RAPGEFL1: variants seen among roughly 807,000 people sequenced by gnomAD.
The protein encoded by RAPGEFL1 is rap guanine nucleotide exchange factor-like 1.
A neutral mutation model predicts 64.4 loss-of-function variants in RAPGEFL1; 31 were observed. The observed-to-expected ratio is 0.48, with a 90% confidence interval of 0.36 to 0.65. The LOEUF is 0.65. RAPGEFL1 is among the 30% of genes least tolerant of loss of function. The pLI is 0.00. For synonymous variants in RAPGEFL1, 331 were observed against 274.1 expected (o/e 1.21, Z -2.05); for missense variants, 682 against 677.4 (o/e 1.01, Z -0.08).
intron 4 of RAPGEFL1, among the ~76,000 whole-genome samples, chr17:40,186,600 A>AAAAAAAAAAG (rs1990084928): frequency 1.4e-5 from 2 of 141,272 alleles, no homozygotes; most frequent in African/African-American, 5.5e-5. Flanking sequence ...AAAAAAAAAA[A>AAAAAAAAAAG]AAAAAAAAAG....
At chr17:40,193,245 C>G in intron 13 of RAPGEFL1, 118 bp from the exon 14 acceptor site, 1 of 1,194,354 alleles carries the variant, frequency 8.4e-7, no homozygotes, top group Non-Finnish European at 1.2e-6. Context: ...CTTCAGAGAC[C>G]CTCCAGAATT....
intron 4 of RAPGEFL1, among the ~76,000 whole-genome samples, chr17:40,188,365 C>T (rs1990149947): frequency 6.6e-6 from 1 of 152,150 alleles, no homozygotes; most frequent in Non-Finnish European, 1.5e-5. Context: ...TTATCAACAC[C>T]TCCTGCCTGG....
At position 40,177,476 on chromosome 17, in the gene RAPGEFL1, C is replaced by T. The variant is rs983610919; in HGVS notation, c.-386C>T. On this transcript the variant is annotated 5_prime_UTR_variant, in exon 1 of 15. Transcript: ENST00000620260. ...CGCGGTCTCGGTTCTGCCACCTTCCCCCTCTTCACGGCCAGGAGCGCAGCC... is the reference window on the plus strand; with the variant it reads ...CGCGGTCTCGGTTCTGCCACCTTCCTCCTCTTCACGGCCAGGAGCGCAGCC... 4.6e-5 allele frequency: 29 copies of T among 633,290 alleles called. No homozygotes were observed. Among genetic ancestry groups the T allele is most frequent in the African/African-American group, 1.3e-4 (7 of 54,662 alleles). 39.2% of individuals were successfully genotyped at this position (633,290 alleles called of 1,614,324 possible).
At chr17:40,180,484 G>C (rs1284485326) in intron 1 of RAPGEFL1, among the ~76,000 whole-genome samples, 1 of 152,102 alleles carries the variant, frequency 6.6e-6, no homozygotes, top group Non-Finnish European at 1.5e-5. Context: ...TCCTCCCAGG[G>C]TGTGTGGGAG....
intron 4 of RAPGEFL1, chr17:40,188,639 G>A (rs746508491): frequency 1.8e-5 from 10 of 559,132 alleles, no homozygotes; most frequent in East Asian, 3.1e-5. Context: ...CTGGTGGGTG[G>A]GGTGGATCAG....
intron 4 of RAPGEFL1, among the ~76,000 whole-genome samples, chr17:40,187,533 C>T (rs1209205086): frequency 6.6e-6 from 1 of 152,128 alleles, no homozygotes; most frequent in South Asian, 2.1e-4. Context: ...CCCCTCCATC[C>T]ATGACACCTC....
intron 1 of RAPGEFL1, among the ~76,000 whole-genome samples, 186 bp downstream of exon 1, chr17:40,178,567 T>G (rs1989798298): frequency 6.6e-6 from 1 of 152,092 alleles, no homozygotes; most frequent in Non-Finnish European, 1.5e-5. Context: ...GTACTCACCT[T>G]CCTCCCTACA....
At chr17:40,184,191 A>G in intron 2 of RAPGEFL1, 23 bp from the exon 3 acceptor site, 1 of 1,554,722 alleles carries the variant, frequency 6.4e-7, no homozygotes, top group Non-Finnish European at 8.9e-7. Flanking sequence ...TTGCGTAGGG[A>G]TTTTTCTTAA....
intron 14 of RAPGEFL1, 111 bp from the exon 15 acceptor site, chr17:40,193,553 C>G: frequency 6.3e-7 from 1 of 1,585,156 alleles, no homozygotes; most frequent in Non-Finnish European, 8.7e-7. Context: ...TCTGCAGAGG[C>G]CTTCCTGCCC....
In RAPGEFL1 at chr17:40,191,292, G is replaced by A; in HGVS notation, c.1336-24G>A. The A allele has an allele frequency of 6.5e-7, 1 of 1,529,408 alleles. No individual in the cohort carries two copies. Among genetic ancestry groups the A allele is most frequent in the South Asian group, 1.2e-5 (1 of 82,900 alleles). 94.7% of individuals were successfully genotyped at this position (1,529,408 alleles called of 1,614,324 possible). A position where few individuals can be genotyped will look rare whatever the true frequency, so the allele number is the denominator to read the frequency against. ...CCCCTCACCCCCTGGCGCCCTGGCC[G>A]CCCCTCCGCTGCCGTGGGTGCAGCT... On this transcript the variant is annotated intron_variant, in intron 8 of 14. Coordinates refer to ENST00000620260, the MANE Select transcript of RAPGEFL1 (RefSeq NM_016339.6). This position sits in a 1 kb window ranked among gnomAD's most constrained non-coding sequence, Gnocchi z 5.1.
chr17:40,193,339 G>A (rs778403095), intron 13 of RAPGEFL1, 24 bp from the exon 14 acceptor site: 4 of 1,613,700 alleles, frequency 2.5e-6, no homozygotes, highest in Non-Finnish European at 3.4e-6. Flanking sequence ...CCCCTTTCAA[G>A]GCTCATTCCT....
chr17:40,177,948 G>C lies in RAPGEFL1; in HGVS notation c.87G>C (p.Gly29=). Residue 29 remains glycine (G), a synonymous_variant, in exon 1 of 15, where the codon GGG becomes GGC. Transcript: ENST00000620260. ...TVAGGPGGGL[G]SCGGPGGGGG... ...CGGGAGGTCCCGGCGGGGGTCTGGG[G>C]AGCTGCGGTGGGCCTGGAGGGGGTG... 2 of 455,866 alleles carry C rather than the reference G, an allele frequency of 4.4e-6. No individual in the cohort carries two copies. The highest frequency in any genetic ancestry group is 3.7e-5 in the South Asian group (1 of 26,808). 28.2% of individuals were successfully genotyped at this position (455,866 alleles called of 1,614,324 possible).
Position 40,178,159 on chromosome 17 carries a change from C to G in RAPGEFL1, c.298C>G (p.Pro100Ala), listed in dbSNP as rs1382664411. 1 of 558,430 alleles carries G rather than the reference C, an allele frequency of 1.8e-6. No individual in the cohort carries two copies. The highest frequency in any genetic ancestry group is 3.2e-6 in the Non-Finnish European group (1 of 314,772). The allele number at this position is 558,430 out of a possible 1,614,324, so 34.6% of individuals were successfully genotyped here. ...CGCGGAGGAGCCGGGCAGCGGGGGG[C>G]CCTGCTGGCTGCAGCTGGAGGAGGT... ...GVAEEPGSGG[P>A]CWLQLEEVPG... The change falls in exon 1 of 15, where the codon CCC becomes GCC. Residue 100 changes from proline to alanine, a missense_variant. This residue lies in a region of RAPGEFL1 where 271 missense variants were observed against 158.0 expected (regional missense o/e 1.72). Coordinates refer to ENST00000620260, the MANE Select transcript of RAPGEFL1 (RefSeq NM_016339.6).
intron 3 of RAPGEFL1, 68 bp downstream of exon 3, chr17:40,184,417 G>A (rs567248395): frequency 2.2e-6 from 3 of 1,392,164 alleles, no homozygotes; most frequent in Non-Finnish European, 9.9e-7. Flanking sequence ...CTGTGAAGGA[G>A]CCATACTTCT....
chr17:40,191,456 C>A lies in RAPGEFL1; in HGVS notation c.1476C>A (p.Arg492=). 1.2e-6 allele frequency: 2 copies of A among 1,607,278 alleles called. No homozygotes were observed. Among genetic ancestry groups the A allele is most frequent in the South Asian group, 2.2e-5 (2 of 90,546 alleles). Residue 492 remains arginine, a synonymous_variant, in exon 9 of 15, where the codon CGC becomes CGA. Transcript: ENST00000620260. The surrounding 1 kb of genome is among the most constrained non-coding windows in gnomAD (Gnocchi z 5.1). The part of the protein sequence containing the change: ...EVLLCEAPGK[R]AQLLKKFIKI... ...TGCTCTGCGAGGCCCCGGGCAAGCG[C>A]GCGCAGCTGCTCAAGAAGTTCATCA... is the stretch of plus-strand genomic sequence containing the variant.
In RAPGEFL1 at chr17:40,191,176, T is replaced by G; in HGVS notation, c.1336-140T>G. The G allele has an allele frequency of 1.3e-6, 1 of 744,432 alleles. No homozygotes were observed. The highest frequency in any genetic ancestry group is 2.1e-6 in the Non-Finnish European group (1 of 477,586). 46.1% of individuals were successfully genotyped at this position (744,432 alleles called of 1,614,324 possible). ...TTTTCCGCATCTTTGCCGCCTCCTG[T>G]CCTTTCTATTTTTCTATTTTCCACC... is the stretch of plus-strand genomic sequence containing the variant. On this transcript the variant is annotated intron_variant, in intron 8 of 14. Coordinates refer to ENST00000620260, the MANE Select transcript of RAPGEFL1 (RefSeq NM_016339.6). The surrounding 1 kb of genome is among the most constrained non-coding windows in gnomAD (Gnocchi z 5.1).
upstream of RAPGEFL1, chr17:40,177,203 G>A: frequency 1.4e-6 from 1 of 702,628 alleles, no homozygotes; most frequent in Non-Finnish European, 2.6e-6. Flanking sequence ...GAGTGAAGGT[G>A]TCCAGGCCAC....
chr17:40,192,492 C>A, intron 11 of RAPGEFL1, 114 bp from the exon 12 acceptor site: 2 of 1,005,200 alleles, frequency 2.0e-6, no homozygotes. Flanking sequence ...AAGCCCCCAG[C>A]ACCCCTATCT....
intron 12 of RAPGEFL1, 44 bp from the exon 13 acceptor site, chr17:40,192,880 CCT>C (rs755519436): frequency 2.5e-5 from 39 of 1,542,082 alleles, no homozygotes; most frequent in Non-Finnish European, 2.8e-5. Flanking sequence ...CTTTCGAACT[CCT>C]CTCTTATCCT....
Sources: gnomAD v4.1 joint callset for allele counts (sites outside exome capture counted in the v4.1 genomes callset) on GRCh38, gnomAD v4.1.1 for gene constraint, gnomAD v4.1.1 regional missense constraint, Gnocchi (gnomAD v3.1) non-coding constraint, MANE v1.5 for transcripts, NCBI Gene and HGNC (gene_info 2026-07-23, HGNC 2026-07-21) for gene names.